MPRIP: variants seen among roughly 807,000 people sequenced by gnomAD.
The protein encoded by MPRIP is myosin phosphatase Rho interacting protein, also known as myosin phosphatase Rho-interacting protein.
Under a neutral mutation model 234.9 loss-of-function variants are expected in MPRIP, and 59 were observed. The ratio of observed to expected loss-of-function variants is 0.25; its 90% CI spans 0.20 to 0.31. The LOEUF (loss-of-function observed/expected upper bound fraction) is 0.31. Ranked by LOEUF, MPRIP falls within the 10% of genes least tolerant of loss-of-function variation. MPRIP has a pLI of 1.00. For missense variants in MPRIP, 2,436 were observed against 3,071.0 expected (o/e 0.79, Z 4.89); for synonymous variants, 1,144 against 1,263.9 (o/e 0.91, Z 2.01).
chr17:17,074,613 AC>A (rs1251771104), intron 1 of MPRIP, among the ~76,000 whole-genome samples: 1 of 152,108 alleles, frequency 6.6e-6, no homozygotes, highest in African/African-American at 2.4e-5. Flanking sequence ...CACGAAAGAA[AC>A]CCCATACCTG....
chr17:17,047,913 A>T (rs545255735), intron 1 of MPRIP, among the ~76,000 whole-genome samples: 1 of 152,232 alleles, frequency 6.6e-6, no homozygotes, highest in East Asian at 1.9e-4. Context: ...CCAGCCTAGG[A>T]AGCCCCCATG....
At chr17:17,057,359 C>T (rs2088731944) in intron 1 of MPRIP, among the ~76,000 whole-genome samples, 1 of 152,224 alleles carries the variant, frequency 6.6e-6, no homozygotes, top group Non-Finnish European at 1.5e-5. Flanking sequence ...TTCTTTCTTC[C>T]CTTTTTGTCT....
rs1276395992 is a variant in MPRIP, at chr17:17,142,801, G to A, written c.1389+36G>A. 4 of 1,603,728 alleles carry A rather than the reference G, an allele frequency of 2.5e-6. No individual in the cohort carries two copies. In the East Asian group the frequency reaches 6.7e-5, roughly 27 times the overall value. Reference sequence around the variant, plus strand: ...GGGGCTGGGCAGCACCTCAGGGGTGGCTCGGGGGCGGGTCAGCATGCACCC... The same window carrying A: ...GGGGCTGGGCAGCACCTCAGGGGTGACTCGGGGGCGGGTCAGCATGCACCC... On this transcript the variant is annotated intron_variant, in intron 8 of 23. Coordinates refer to ENST00000651222, the MANE Select transcript of MPRIP (RefSeq NM_001364716.4).
At chr17:17,146,161 C>G (rs544694601) in intron 10 of MPRIP, 69 bp downstream of exon 10, 2 of 1,432,914 alleles carry the variant, frequency 1.4e-6, no homozygotes, top group African/African-American at 1.4e-5. Flanking sequence ...TGTCCTTGTC[C>G]CCAGCCAGTC....
chr17:17,047,797 G>C (rs1171143279), intron 1 of MPRIP, among the ~76,000 whole-genome samples: 2 of 152,186 alleles, frequency 1.3e-5, no homozygotes, highest in Admixed American at 1.3e-4. Flanking sequence ...TGGACGTAGA[G>C]GGAGGCTGGG....
chr17:17,192,572 G>C lies in MPRIP; in HGVS notation c.*7678G>C, dbSNP rs2046617074. 1 of 151,840 alleles carries C rather than the reference G, an allele frequency of 6.6e-6. No homozygotes were observed. Among genetic ancestry groups the C allele is most frequent in the African/African-American group, 2.4e-5 (1 of 41,374 alleles). The allele number at this position is 151,840 out of a possible 1,614,324, so 9.4% of individuals were successfully genotyped here. On this transcript the variant is annotated 3_prime_UTR_variant, in exon 24 of 24. Coordinates refer to ENST00000651222, the MANE Select transcript of MPRIP (RefSeq NM_001364716.4). ...CATGCTAGATTCCCTGGATGTAGCTGATCATTTTTATTTTGTAAATATTAC... is the reference window on the plus strand; with the variant it reads ...CATGCTAGATTCCCTGGATGTAGCTCATCATTTTTATTTTGTAAATATTAC...
At chr17:17,156,383 A>G (rs1461288345) in intron 13 of MPRIP, among the ~76,000 whole-genome samples, 1 of 152,240 alleles carries the variant, frequency 6.6e-6, no homozygotes, top group African/African-American at 2.4e-5. Context: ...ATATCTGCAT[A>G]GTCTGGTAGA....
intron 4 of MPRIP, among the ~76,000 whole-genome samples, chr17:17,130,418 C>T (rs942027983): frequency 3.3e-5 from 5 of 149,442 alleles, no homozygotes; most frequent in South Asian, 2.2e-4. Context: ...TTCCTCTCTT[C>T]GCTCCTCTAT....
At chr17:17,171,587 G>A (rs2046135918) in intron 16 of MPRIP, 131 bp from the exon 17 acceptor site, 1 of 1,198,534 alleles carries the variant, frequency 8.3e-7, no homozygotes, top group African/African-American at 1.5e-5. Context: ...CGCCCATGGT[G>A]GAGCAAGCTC....
chr17:17,123,241 C>G (rs1438222276), intron 3 of MPRIP, among the ~76,000 whole-genome samples: 1 of 152,128 alleles, frequency 6.6e-6, no homozygotes, highest in African/African-American at 2.4e-5. Context: ...AATGGCTTTT[C>G]AGGGGGAGAT....
rs2046338939 is a variant in MPRIP at position 17,180,006 on chromosome 17, T to C, written c.7124T>C (p.Ile2375Thr). The C allele has an allele frequency of 6.3e-7, 1 of 1,592,340 alleles. No homozygotes were observed. The highest frequency in any genetic ancestry group is 1.4e-5 in the African/African-American group (1 of 73,462). The change falls in exon 23 of 24, where the codon ATA becomes ACA. Residue 2375 changes from isoleucine to threonine, a missense_variant. By Grantham distance (89) the Ile-to-Thr change is moderately conservative (BLOSUM62 -1). Around this residue, in one of 4 missense-constraint regions of MPRIP, gnomAD observed 1,998 missense variants for 2,520.3 expected, o/e 0.79. Coordinates refer to ENST00000651222, the MANE Select transcript of MPRIP (RefSeq NM_001364716.4). ...PDSATVSGYD[I>T]MKSKSNPDFL... ...TTGTTTTCATTATATACCGCAGATATAATGAAATCTAAAAGCAACCCTGAC... is the reference window on the plus strand; with the variant it reads ...TTGTTTTCATTATATACCGCAGATACAATGAAATCTAAAAGCAACCCTGAC...
rs189707342 is a variant in MPRIP at position 17,138,922 on chromosome 17, C to T, written c.1250+493C>T. On this transcript the variant is annotated intron_variant, in intron 7 of 23. Transcript: ENST00000651222. This position sits in a 1 kb window ranked among gnomAD's most constrained non-coding sequence, Gnocchi z 5.8. Reference sequence around the variant, plus strand: ...GTGGGGGCAGCACAGGTTCCTCTCTCAAGGACATGCTCCCTGGGGAGCCAC... The same window carrying T: ...GTGGGGGCAGCACAGGTTCCTCTCTTAAGGACATGCTCCCTGGGGAGCCAC... 1.3e-5 allele frequency among the ~76,000 whole-genome samples: 2 copies of T among 152,332 alleles called. No individual in the cohort carries two copies. Among genetic ancestry groups the T allele is most frequent in the East Asian group, 1.9e-4 (1 of 5,178 alleles).
intron 5 of MPRIP, among the ~76,000 whole-genome samples, 184 bp from the exon 6 acceptor site, chr17:17,136,035 G>T (rs928724453): frequency 3.9e-5 from 6 of 152,206 alleles, no homozygotes; most frequent in African/African-American, 1.4e-4. Flanking sequence ...TGGATGTCTA[G>T]GAATGACAGA....
Position 17,164,745 on chromosome 17 carries a change from G to A in MPRIP, c.3154G>A (p.Asp1052Asn). The change falls in exon 16 of 24, where the codon GAC becomes AAC. Residue 1052 changes from aspartate (D) to asparagine (N), a missense_variant. Coordinates refer to ENST00000651222, the MANE Select transcript of MPRIP (RefSeq NM_001364716.4). ...GGAAGACAAGGCCAGCGCCTATGAG[G>A]ACCAGCTGCAGGGTCAGGCACAGCA... ...EVEDKASAYE[D>N]QLQGQAQQVE... The A allele has an allele frequency of 7.7e-7, 1 of 1,303,326 alleles. No homozygotes were observed. The highest frequency in any genetic ancestry group is 1.0e-6 in the Non-Finnish European group (1 of 988,620). The allele number at this position is 1,303,326 out of a possible 1,614,324, so 80.7% of individuals were successfully genotyped here.
At position 17,136,202 on chromosome 17, in the gene MPRIP, A is replaced by G; in HGVS notation, c.505-17A>G. 1 of 1,613,758 alleles carries G rather than the reference A, an allele frequency of 6.2e-7. No individual in the cohort carries two copies. The highest frequency in any genetic ancestry group is 1.1e-5 in the South Asian group (1 of 91,076). On this transcript the variant is annotated splice_polypyrimidine_tract_variant and intron_variant, in intron 5 of 23. Transcript: ENST00000651222. Reference sequence around the variant, plus strand: ...GTGCTCCTGCACCTTCACAGACACCACTTTCTCCTCCTCCAGGAGCCTGGG... The same window carrying G: ...GTGCTCCTGCACCTTCACAGACACCGCTTTCTCCTCCTCCAGGAGCCTGGG...
At chr17:17,158,312 G>A in intron 13 of MPRIP, 120 bp from the exon 14 acceptor site, 7 of 809,580 alleles carry the variant, frequency 8.6e-6, no homozygotes, top group Non-Finnish European at 1.4e-5. Flanking sequence ...CTGGGATTAG[G>A]ATAGAAAAAG....
chr17:17,091,563 TG>T (rs1217160281), intron 3 of MPRIP, among the ~76,000 whole-genome samples: 2 of 152,198 alleles, frequency 1.3e-5, no homozygotes, highest in Non-Finnish European at 2.9e-5. Context: ...GAATGGAATG[TG>T]TTGTCCAGGG....
At chr17:17,172,368 A>C (rs976892943) in intron 17 of MPRIP, among the ~76,000 whole-genome samples, 4 of 152,266 alleles carry the variant, frequency 2.6e-5, no homozygotes, top group African/African-American at 9.6e-5. Flanking sequence ...AAGAAAATAC[A>C]CCAGCACAAA....
intron 3 of MPRIP, among the ~76,000 whole-genome samples, chr17:17,088,850 C>A (rs559097099): frequency 6.6e-6 from 1 of 152,322 alleles, no homozygotes; most frequent in Non-Finnish European, 1.5e-5. Context: ...TCAGAAAAAT[C>A]TTTTCTTTGG....
Sources: gnomAD v4.1 joint callset for allele counts (sites outside exome capture counted in the v4.1 genomes callset) on GRCh38, gnomAD v4.1.1 for gene constraint, gnomAD v4.1.1 regional missense constraint, Gnocchi (gnomAD v3.1) non-coding constraint, MANE v1.5 for transcripts, NCBI Gene and HGNC (gene_info 2026-07-23, HGNC 2026-07-21) for gene names.